HECW1: variants seen among roughly 807,000 people sequenced by gnomAD.
The protein encoded by HECW1 is E3 ubiquitin-protein ligase HECW1.
In HECW1, 61 loss-of-function variants were observed where a neutral mutation model predicts 182.3. That is an observed-to-expected ratio of 0.33 (90% CI 0.27 to 0.41). HECW1 has a LOEUF of 0.41. Ranked by LOEUF, HECW1 falls within the 10% of genes least tolerant of loss-of-function variation. The probability of loss-of-function intolerance (pLI) is 1.00; values close to 1 mark genes in which losing one functional copy is unlikely to be tolerated. For missense variants in HECW1, 1,739 were observed against 2,108.9 expected (o/e 0.82, Z 3.44); for synonymous variants, 859 against 832.6 (o/e 1.03, Z -0.55).
intron 2 of HECW1, chr7:43,162,879 C>T (rs1237734823): frequency 6.6e-6 from 1 of 152,230 alleles, no homozygotes; most frequent in Non-Finnish European, 1.5e-5. Flanking sequence ...GAGCTAATCT[C>T]TCAACAACTC....
chr7:43,307,613 T>A (rs1046088441), intron 3 of HECW1, among the ~76,000 whole-genome samples: 25 of 152,064 alleles, frequency 1.6e-4, no homozygotes, highest in Non-Finnish European at 2.9e-4. Flanking sequence ...AGTTCAGATG[T>A]GAAGAGAGAA....
intron 24 of HECW1, among the ~76,000 whole-genome samples, chr7:43,537,708 A>G (rs764241483): frequency 6.6e-5 from 10 of 152,194 alleles, no homozygotes; most frequent in Non-Finnish European, 1.5e-4. Flanking sequence ...ATTTTATGGT[A>G]TATATGGGAC....
chr7:43,381,772 C>T (rs760669248), intron 6 of HECW1, among the ~76,000 whole-genome samples: 1 of 152,140 alleles, frequency 6.6e-6, no homozygotes, highest in Admixed American at 6.5e-5. Flanking sequence ...GATCTGCCTG[C>T]CTTGGCCTCA....
chr7:43,228,896 AGAAAAG>A (rs1797654757), intron 2 of HECW1, among the ~76,000 whole-genome samples: 1 of 152,246 alleles, frequency 6.6e-6, no homozygotes, highest in Admixed American at 6.5e-5. Flanking sequence ...TTAAGACAAA[AGAAAAG>A]GAAAAACAAA....
At chr7:43,313,309 CAG>C (rs1808770016) in intron 4 of HECW1, among the ~76,000 whole-genome samples, 1 of 149,564 alleles carries the variant, frequency 6.7e-6, no homozygotes, top group South Asian at 2.1e-4. Context: ...AGATTAAGAA[CAG>C]AGATTGCAAA....
At chr7:43,408,127 G>T (rs1204205455) in intron 8 of HECW1, among the ~76,000 whole-genome samples, 2 of 152,148 alleles carry the variant, frequency 1.3e-5, no homozygotes, top group Non-Finnish European at 2.9e-5. Flanking sequence ...TAGCCTTCTA[G>T]ACCAGTTTCA....
At chr7:43,433,451 G>T (rs2076613933) in intron 8 of HECW1, among the ~76,000 whole-genome samples, 1 of 152,200 alleles carries the variant, frequency 6.6e-6, no homozygotes, top group Non-Finnish European at 1.5e-5. Context: ...TATTGTGGAA[G>T]CTTCCAGATT....
intron 2 of HECW1, among the ~76,000 whole-genome samples, chr7:43,151,911 T>C (rs1002722363): frequency 2.6e-5 from 4 of 151,990 alleles, no homozygotes; most frequent in Middle Eastern, 3.2e-3. Flanking sequence ...TACAAGATAT[T>C]GAAAAAGACA....
At chr7:43,468,387 G>A (rs920172904) in intron 15 of HECW1, among the ~76,000 whole-genome samples, 2 of 152,194 alleles carry the variant, frequency 1.3e-5, no homozygotes, top group African/African-American at 4.8e-5. Context: ...GGAGAGCCAG[G>A]CATGGCTGAG....
At chr7:43,329,736 C>T (rs577650543) in intron 5 of HECW1, among the ~76,000 whole-genome samples, 16 of 152,192 alleles carry the variant, frequency 1.1e-4, no homozygotes, top group African/African-American at 3.4e-4. Context: ...GGAGAAGAAC[C>T]CGGCTTTGAA....
chr7:43,429,949 C>G (rs571325951), intron 8 of HECW1, among the ~76,000 whole-genome samples: 4 of 152,232 alleles, frequency 2.6e-5, no homozygotes, highest in Non-Finnish European at 5.9e-5. Context: ...TCCTCCACAT[C>G]ATGAGGTATC....
intron 26 of HECW1, among the ~76,000 whole-genome samples, chr7:43,547,832 G>T (rs1022023647): frequency 6.6e-6 from 1 of 152,162 alleles, no homozygotes; most frequent in Non-Finnish European, 1.5e-5. Context: ...GGCCCTTCGT[G>T]TGGGTCCCAC....
chr7:43,125,757 TAAAAAAAAAAAAA>T (rs57874835), intron 2 of HECW1, among the ~76,000 whole-genome samples: 1 of 86,540 alleles, frequency 1.2e-5, no homozygotes, highest in Admixed American at 1.7e-4. Flanking sequence ...GATTCTGTCT[TAAAAAAAAAAAAA>T]AAAAAAAAAA....
At chr7:43,421,737 A>G (rs960721315) in intron 8 of HECW1, among the ~76,000 whole-genome samples, 2 of 152,192 alleles carry the variant, frequency 1.3e-5, no homozygotes, top group Non-Finnish European at 2.9e-5. Context: ...ACCACTGCAC[A>G]CTCACCAGTG....
intron 2 of HECW1, among the ~76,000 whole-genome samples, chr7:43,223,704 G>A (rs1797186705): frequency 6.6e-6 from 1 of 151,974 alleles, no homozygotes; most frequent in African/African-American, 2.4e-5. Context: ...TAGAATCAGA[G>A]TCCTTGCTGT....
chr7:43,307,401 G>A (rs180957942), intron 3 of HECW1, among the ~76,000 whole-genome samples: 140 of 152,250 alleles, frequency 9.2e-4, no homozygotes, highest in South Asian at 3.5e-3. Flanking sequence ...AGTGATATCC[G>A]TTGATTTCCC....
intron 8 of HECW1, among the ~76,000 whole-genome samples, chr7:43,410,862 TTA>T (rs2075777971): frequency 6.6e-6 from 1 of 152,262 alleles, no homozygotes; most frequent in South Asian, 2.1e-4. Flanking sequence ...CCTCTTTCAT[TTA>T]TATATTGGTG....
At position 43,466,477 on chromosome 7, in the gene HECW1, T is replaced by A. The variant is rs1309140578; in HGVS notation, c.2822T>A (p.Val941Glu). ...DLRREGSLSP[V>E]NSQKITLLLQ... ...AGGAGAGAAGGGTCACTTTCTCCAG[T>A]GAACTCACAAAAAATCACCTTGCTG... Residue 941 changes from valine to glutamate, a missense_variant, in exon 15 of 30, where the codon GTG (valine) becomes GAG (glutamate). By Grantham distance (121) the Val-to-Glu change is moderately radical. This residue lies in a region of HECW1 where 971 missense variants were observed against 1,029.1 expected (regional missense o/e 0.94). Coordinates refer to ENST00000395891, the MANE Select transcript of HECW1 (RefSeq NM_015052.5). The A allele has an allele frequency of 6.2e-7, 1 of 1,613,908 alleles. No homozygotes were observed. Among genetic ancestry groups the A allele is most frequent in the South Asian group, 1.1e-5 (1 of 91,068 alleles).
In HECW1 at chr7:43,308,242, T is replaced by A. The variant is rs796700364; in HGVS notation, c.28-3521T>A. Among the ~76,000 whole-genome samples the A allele has an allele frequency of 1.6e-4, 9 of 57,042 alleles. 2 individuals carry two copies. The highest frequency in any genetic ancestry group is 1.3e-3 in the South Asian group (2 of 1,484). The allele number at this position is 57,042 out of a possible 152,430, so 37.4% of individuals were successfully genotyped here. ...TGATATATTTTTATATAATAATATA[T>A]AATATATATATATTATATGATATAT... On this transcript the variant is annotated intron_variant, in intron 3 of 29. Coordinates refer to ENST00000395891, the MANE Select transcript of HECW1 (RefSeq NM_015052.5).
Sources: gnomAD v4.1 joint callset for allele counts (sites outside exome capture counted in the v4.1 genomes callset) on GRCh38, gnomAD v4.1.1 for gene constraint, gnomAD v4.1.1 regional missense constraint, MANE v1.5 for transcripts, NCBI Gene and HGNC (gene_info 2026-07-23, HGNC 2026-07-21) for gene names.